The following CDC42BPB variants were observed in gnomAD, a reference collection of about 807,000 sequenced individuals.
CDC42BPB encodes serine/threonine-protein kinase MRCK beta.
A neutral mutation model predicts 214.9 loss-of-function variants in CDC42BPB; 37 were observed. The ratio of observed to expected loss-of-function variants is 0.17; its 90% CI spans 0.13 to 0.23. CDC42BPB has a LOEUF of 0.23. CDC42BPB is among the 10% of genes least tolerant of loss of function. The probability of loss-of-function intolerance (pLI) is 1.00; values close to 1 mark genes in which losing one functional copy is unlikely to be tolerated. For missense variants in CDC42BPB, 1,694 were observed against 2,227.0 expected, an observed-to-expected ratio of 0.76 and a Z score of 4.82; for synonymous variants, 931 against 884.0, an observed-to-expected ratio of 1.05 and a Z score of -0.94.
Position 102,996,613 on chromosome 14 carries a change from G to A in CDC42BPB, c.596+2952C>T, listed in dbSNP as rs1244703983. On this transcript the variant is annotated intron_variant, in intron 5 of 36. Coordinates refer to ENST00000361246, the MANE Select transcript of CDC42BPB (RefSeq NM_006035.4). ...GGATCACCTGAGGTCAGGAGTTCTA[G>A]ACCAGCCTGACCAACATGGAGAAAC... Among the ~76,000 whole-genome samples the A allele has an allele frequency of 6.6e-5, 10 of 152,076 alleles. No individual in the cohort carries two copies. In the East Asian group the frequency reaches 1.9e-3, roughly 30 times the overall value.
At chr14:103,054,954 G>A (rs1426702092) in intron 1 of CDC42BPB, among the ~76,000 whole-genome samples, 2 of 152,232 alleles carry the variant, frequency 1.3e-5, no homozygotes, top group Non-Finnish European at 2.9e-5. Context: ...GGCCCCCAGG[G>A]CCCCCGCCCT....
At chr14:102,933,998 C>T (rs955151359) in intron 36 of CDC42BPB, 155 bp from the exon 37 acceptor site, 15 of 1,377,392 alleles carry the variant, frequency 1.1e-5, no homozygotes, top group African/African-American at 6.1e-5. Context: ...ACCAGCGATT[C>T]GTGGGGCCCT....
In CDC42BPB at chr14:102,983,686, C is replaced by T. The variant is rs1233852375; in HGVS notation, c.761G>A (p.Gly254Asp). 1 of 1,613,890 alleles carries T rather than the reference C, an allele frequency of 6.2e-7. No individual in the cohort carries two copies. Among genetic ancestry groups the T allele is most frequent in the Non-Finnish European group, 8.5e-7 (1 of 1,180,058 alleles). The stretch of plus-strand genomic sequence containing the variant: ...ACACTCAGGCCCGTATTTGCCCATG[C>T]CGTCCTCCATCGCCTGCAGGATCTC... The part of the protein sequence containing the change: ...SPEILQAMED[G>D]MGKYGPECDW... The change falls in exon 7 of 37, where the codon GGC becomes GAC. Residue 254 changes from glycine to aspartate, a missense_variant. Physicochemically the swap from Gly to Asp is moderately conservative, Grantham distance 94. Coordinates refer to ENST00000361246, the MANE Select transcript of CDC42BPB (RefSeq NM_006035.4).
intron 27 of CDC42BPB, 83 bp from the exon 28 acceptor site, chr14:102,946,767 C>G (rs1460221562): frequency 1.3e-6 from 2 of 1,546,240 alleles, no homozygotes; most frequent in Non-Finnish European, 8.7e-7. Context: ...GCTGGAGCCA[C>G]GCACCCCAGG....
intron 1 of CDC42BPB, among the ~76,000 whole-genome samples, chr14:103,050,919 A>G (rs969036546): frequency 3.3e-5 from 5 of 152,210 alleles, no homozygotes; most frequent in African/African-American, 1.2e-4. Flanking sequence ...GAATGAAATT[A>G]TATCATTCCA....
At chr14:102,948,728 G>A in intron 26 of CDC42BPB, among the ~76,000 whole-genome samples, 1 of 146,212 alleles carries the variant, frequency 6.8e-6, no homozygotes, top group South Asian at 2.2e-4. Context: ...GAGGTGAGAG[G>A]GGGAGCGGGG....
In CDC42BPB at chr14:103,001,829, G is replaced by A. The variant is rs1408528810; in HGVS notation, c.447+2099C>T. On this transcript the variant is annotated intron_variant, in intron 4 of 36. Coordinates refer to ENST00000361246, the MANE Select transcript of CDC42BPB (RefSeq NM_006035.4). This position sits in a 1 kb window ranked among gnomAD's most constrained non-coding sequence, Gnocchi z 5.8. Reference sequence around the variant, plus strand: ...CTAGCTGAGCCCCAGCCGCGTCCACGTCTGCCGAGAACTCTAAGAGGAGGA... The same window carrying A: ...CTAGCTGAGCCCCAGCCGCGTCCACATCTGCCGAGAACTCTAAGAGGAGGA... Among the ~76,000 whole-genome samples the A allele has an allele frequency of 2.0e-5, 3 of 152,164 alleles. No homozygotes were observed. Among genetic ancestry groups the A allele is most frequent in the Admixed American group, 1.3e-4 (2 of 15,284 alleles).
At chr14:103,047,197 T>C (rs980223212) in intron 1 of CDC42BPB, among the ~76,000 whole-genome samples, 12 of 145,040 alleles carry the variant, frequency 8.3e-5, no homozygotes, top group Middle Eastern at 3.7e-3. Flanking sequence ...GGCAGGAGAA[T>C]CACTTGAACC....
At chr14:102,972,493 C>G (rs1566870504) in intron 12 of CDC42BPB, among the ~76,000 whole-genome samples, 1 of 151,950 alleles carries the variant, frequency 6.6e-6, no homozygotes, top group Non-Finnish European at 1.5e-5. Flanking sequence ...TCGAGACCAT[C>G]CTGGCTAACA....
chr14:102,935,482 A>C (rs1430508109), intron 36 of CDC42BPB, among the ~76,000 whole-genome samples: 1 of 152,226 alleles, frequency 6.6e-6, no homozygotes, highest in African/African-American at 2.4e-5. Context: ...TCGTGGAGTA[A>C]AAATATTGTT....
chr14:103,039,756 G>A (rs1419519015), intron 1 of CDC42BPB, among the ~76,000 whole-genome samples: 2 of 152,090 alleles, frequency 1.3e-5, no homozygotes, highest in Non-Finnish European at 2.9e-5. Flanking sequence ...TGTACTGAAG[G>A]TTCTAGGCAG....
chr14:103,016,719 G>A (rs1200079893), intron 1 of CDC42BPB, among the ~76,000 whole-genome samples: 1 of 152,120 alleles, frequency 6.6e-6, no homozygotes, highest in Non-Finnish European at 1.5e-5. Context: ...ATAGAATTGG[G>A]TTATTGGTAT....
intron 1 of CDC42BPB, among the ~76,000 whole-genome samples, chr14:103,014,689 G>A (rs1886356419): frequency 6.6e-6 from 1 of 152,076 alleles, no homozygotes; most frequent in African/African-American, 2.4e-5. Flanking sequence ...CAGGGGCCTG[G>A]GAGACAGTGA....
At chr14:102,967,976 TC>T (rs1893294158) in intron 16 of CDC42BPB, among the ~76,000 whole-genome samples, 2 of 152,052 alleles carry the variant, frequency 1.3e-5, no homozygotes, top group South Asian at 4.2e-4. Flanking sequence ...ACGCCTGTAG[TC>T]CCAGCCACTT....
At chr14:102,946,945 AGTAGCT>A in intron 27 of CDC42BPB, 6 of 650,906 alleles carry the variant, frequency 9.2e-6, no homozygotes. Context: ...CAAAACTACG[AGTAGCT>A]GCCTACTTTA....
intron 33 of CDC42BPB, 22 bp downstream of exon 33, chr14:102,939,808 C>A (rs1376139669): frequency 1.2e-6 from 2 of 1,613,862 alleles, no homozygotes; most frequent in South Asian, 1.1e-5. Flanking sequence ...GCCCAGCAGG[C>A]CCCGTGAGGC....
chr14:102,955,191 G>A (rs1362426782), intron 21 of CDC42BPB, among the ~76,000 whole-genome samples: 1 of 152,234 alleles, frequency 6.6e-6, no homozygotes, highest in Non-Finnish European at 1.5e-5. Flanking sequence ...GGGAGGCTGA[G>A]GGGGGCAGAC....
intron 24 of CDC42BPB, among the ~76,000 whole-genome samples, chr14:102,951,787 C>T (rs576461220): frequency 1.8e-4 from 28 of 151,436 alleles, no homozygotes; most frequent in Admixed American, 6.6e-4. Flanking sequence ...ACTCTTGTCT[C>T]GAAAAAGAAA....
intron 9 of CDC42BPB, among the ~76,000 whole-genome samples, chr14:102,977,680 AC>A (rs1202836086): frequency 2.6e-5 from 4 of 152,134 alleles, no homozygotes; most frequent in African/African-American, 7.2e-5. Context: ...TGCTGTGGCC[AC>A]CGACTGGATC....
Sources: gnomAD v4.1 joint callset for allele counts (sites outside exome capture counted in the v4.1 genomes callset) on GRCh38, gnomAD v4.1.1 for gene constraint, Gnocchi (gnomAD v3.1) non-coding constraint, MANE v1.5 for transcripts, NCBI Gene and HGNC (gene_info 2026-07-23, HGNC 2026-07-21) for gene names.